The following LSAMP variants were observed in gnomAD, a reference collection of about 807,000 sequenced individuals.
The protein encoded by LSAMP is limbic system associated membrane protein.
LSAMP carries 7 observed loss-of-function variants against 38.6 expected under a neutral mutation model. The observed-to-expected ratio is 0.18, with a 90% CI of 0.10 to 0.34. The LOEUF is 0.34. LSAMP is among the 10% of genes least tolerant of loss of function. LSAMP has a pLI of 1.00. For synonymous variants in LSAMP, 154 were observed against 166.8 expected (o/e 0.92, Z 0.59); for missense variants, 313 against 420.0 (o/e 0.75, Z 2.23).
rs1447437620 is a variant in LSAMP, at chr3:116,445,152, T to C, written c.-121A>G. On this transcript the variant is annotated 5_prime_UTR_variant, in exon 1 of 7. Transcript: ENST00000490035. ...GCGAGCGCAGAGCGGGCTTTGCCAG[T>C]TTATGGTCCTTTCCACTTTGCCTCT... 1 of 932,782 alleles carries C rather than the reference T, an allele frequency of 1.1e-6. No individual in the cohort carries two copies. The highest frequency in any genetic ancestry group is 2.7e-5 in the Admixed American group (1 of 37,256). The allele number at this position is 932,782 out of a possible 1,614,324, so 57.8% of individuals were successfully genotyped here. A position where few individuals can be genotyped will look rare whatever the true frequency, so the allele number is the denominator to read the frequency against.
At chr3:116,387,261 G>A (rs993883199) in intron 1 of LSAMP, among the ~76,000 whole-genome samples, 5 of 152,082 alleles carry the variant, frequency 3.3e-5, no homozygotes, top group African/African-American at 1.2e-4. Context: ...ACTCAGGAGA[G>A]GCTCCAGGAA....
intron 1 of LSAMP, among the ~76,000 whole-genome samples, chr3:116,281,825 C>T (rs1461131): frequency 0.29 from 44,843 of 152,012 alleles, 8,427 homozygotes; most frequent in Non-Finnish European, 0.42. Context: ...GGGTATTTCC[C>T]CACGTTGTCT....
intron 1 of LSAMP, among the ~76,000 whole-genome samples, chr3:116,268,313 G>A (rs1287209734): frequency 6.6e-6 from 1 of 152,002 alleles, no homozygotes; most frequent in Non-Finnish European, 1.5e-5. Context: ...CACCACAAAT[G>A]CTCCTCTGCC....
intron 6 of LSAMP, chr3:115,816,614 C>A: frequency 7.8e-7 from 1 of 1,287,166 alleles, no homozygotes. Flanking sequence ...AGAACCATAC[C>A]TTTTTGCTTG....
At chr3:116,044,243 A>T (rs559814602) in intron 2 of LSAMP, among the ~76,000 whole-genome samples, 3 of 152,342 alleles carry the variant, frequency 2.0e-5, no homozygotes, top group Non-Finnish European at 2.9e-5. Flanking sequence ...AAATTGATGT[A>T]TCAAAATTTC....
At chr3:115,907,169 A>T (rs1430834858) in intron 3 of LSAMP, among the ~76,000 whole-genome samples, 1 of 152,076 alleles carries the variant, frequency 6.6e-6, no homozygotes, top group Non-Finnish European at 1.5e-5. Context: ...CTTGGATCTA[A>T]TTCCTGTCTA....
chr3:116,166,809 C>T (rs1242030510), intron 1 of LSAMP, among the ~76,000 whole-genome samples: 18 of 113,876 alleles, frequency 1.6e-4, no homozygotes, highest in South Asian at 1.2e-3. Context: ...TTTTTTGAGA[C>T]GGAGTCTCAC....
Position 116,187,999 on chromosome 3 carries a change from T to C in LSAMP, c.156-101443A>G, listed in dbSNP as rs151320034. 2.5e-3 allele frequency among the ~76,000 whole-genome samples: 377 copies of C among 152,254 alleles called. 3 individuals carry two copies. Among genetic ancestry groups the C allele is most frequent in the African/African-American group, 8.7e-3 (361 of 41,538 alleles). Reference sequence around the variant, plus strand: ...TGTTTTGTTCCCCTCTGTGTGTCCGTGTGTTTTCATCATTTAGCTCCCATT... The same window carrying C: ...TGTTTTGTTCCCCTCTGTGTGTCCGCGTGTTTTCATCATTTAGCTCCCATT... On this transcript the variant is annotated intron_variant, in intron 1 of 6. Coordinates refer to ENST00000490035, the MANE Select transcript of LSAMP (RefSeq NM_002338.5).
intron 1 of LSAMP, among the ~76,000 whole-genome samples, chr3:116,390,763 A>AG (rs1553730462): frequency 0.014 from 1,987 of 142,664 alleles, 52 homozygotes; most frequent in African/African-American, 0.053. Flanking sequence ...AAAAAAAAAA[A>AG]GGCAAGGAAC....
chr3:115,978,062 A>G (rs1309612106), intron 3 of LSAMP, among the ~76,000 whole-genome samples: 1 of 151,830 alleles, frequency 6.6e-6, no homozygotes, highest in Non-Finnish European at 1.5e-5. Context: ...CTGCTGGAGT[A>G]CAGTGGTGCA....
intron 2 of LSAMP, among the ~76,000 whole-genome samples, chr3:116,076,377 C>A (rs890707473): frequency 6.6e-6 from 1 of 152,142 alleles, no homozygotes; most frequent in South Asian, 2.1e-4. Flanking sequence ...CCTGCCTCAG[C>A]CTCCCGAGTA....
At chr3:115,843,758 A>G (rs1205915175) in intron 4 of LSAMP, among the ~76,000 whole-genome samples, 3 of 152,030 alleles carry the variant, frequency 2.0e-5, no homozygotes, top group Non-Finnish European at 4.4e-5. Context: ...CTCTGAGTTT[A>G]AAAGAATGTA....
At chr3:116,241,458 CG>C (rs1246497044) in intron 1 of LSAMP, among the ~76,000 whole-genome samples, 1 of 151,872 alleles carries the variant, frequency 6.6e-6, no homozygotes, top group Non-Finnish European at 1.5e-5. Flanking sequence ...CCCAGCTACT[CG>C]GGAGGGTGAG....
intron 3 of LSAMP, among the ~76,000 whole-genome samples, chr3:115,898,081 A>C (rs1936774059): frequency 6.6e-6 from 1 of 152,132 alleles, no homozygotes; most frequent in Admixed American, 6.6e-5. Flanking sequence ...CCATCTGCTT[A>C]AGGATTTATA....
intron 1 of LSAMP, among the ~76,000 whole-genome samples, chr3:116,412,267 G>A (rs916320020): frequency 9.2e-5 from 14 of 152,032 alleles, no homozygotes; most frequent in Non-Finnish European, 1.6e-4. Flanking sequence ...GAAAGGCAAA[G>A]CAATAGATTA....
chr3:115,953,862 C>T (rs1211009168), intron 3 of LSAMP, among the ~76,000 whole-genome samples: 2 of 152,168 alleles, frequency 1.3e-5, no homozygotes. Flanking sequence ...GTCTTGATCC[C>T]TGTGCCTGGA....
intron 1 of LSAMP, among the ~76,000 whole-genome samples, chr3:116,434,073 A>G (rs1407159738): frequency 1.3e-5 from 2 of 152,204 alleles, no homozygotes; most frequent in African/African-American, 4.8e-5. Context: ...TCTTTACCGT[A>G]CCAATAATCA....
chr3:116,353,419 G>T (rs1305964548), intron 1 of LSAMP, among the ~76,000 whole-genome samples: 1 of 151,852 alleles, frequency 6.6e-6, no homozygotes, highest in Admixed American at 6.6e-5. Context: ...AAACTGCCTT[G>T]GTATTGTTAT....
chr3:115,855,042 TAGA>T (rs1413420616), intron 3 of LSAMP, among the ~76,000 whole-genome samples: 1 of 152,204 alleles, frequency 6.6e-6, no homozygotes, highest in Non-Finnish European at 1.5e-5. Context: ...GAGCTGTCAG[TAGA>T]AGAAGGAGAG....
Sources: gnomAD v4.1 joint callset for allele counts (sites outside exome capture counted in the v4.1 genomes callset) on GRCh38, gnomAD v4.1.1 for gene constraint, MANE v1.5 for transcripts, NCBI Gene and HGNC (gene_info 2026-07-23, HGNC 2026-07-21) for gene names.